PTPRD: variants seen among roughly 807,000 people sequenced by gnomAD.
PTPRD encodes the protein protein tyrosine phosphatase receptor type D.
PTPRD carries 34 observed loss-of-function variants against 214.5 expected under a neutral mutation model. That is an observed-to-expected ratio of 0.16 (90% CI 0.12 to 0.21). The LOEUF (loss-of-function observed/expected upper bound fraction) is 0.21, where lower values mean the gene tolerates loss of function less well. Ranked by LOEUF, PTPRD falls within the 10% of genes least tolerant of loss-of-function variation. The pLI, the probability that PTPRD is intolerant of heterozygous loss-of-function variation, is 1.00. For synonymous variants in PTPRD, 1,128 were observed against 845.7 expected (o/e 1.33, Z -5.79); for missense variants, 2,545 against 2,398.7 (o/e 1.06, Z -1.27).
intron 12 of PTPRD, among the ~76,000 whole-genome samples, chr9:8,726,321 G>C (rs1285999879): frequency 6.6e-6 from 1 of 151,624 alleles, no homozygotes; most frequent in Non-Finnish European, 1.5e-5. Flanking sequence ...GGGTGTGGTG[G>C]CTCACGACTA....
chr9:9,807,555 C>G (rs1278359515), intron 5 of PTPRD, among the ~76,000 whole-genome samples: 3 of 152,166 alleles, frequency 2.0e-5, no homozygotes, highest in Admixed American at 2.0e-4. Context: ...CCCAAGAATA[C>G]TCTCCACTGA....
chr9:9,598,980 G>T (rs1047926009), intron 7 of PTPRD, among the ~76,000 whole-genome samples: 1 of 151,790 alleles, frequency 6.6e-6, no homozygotes, highest in African/African-American at 2.4e-5. Context: ...GTACTCTTTC[G>T]AACTAATACA....
At chr9:9,128,111 G>T (rs2099836883) in intron 10 of PTPRD, among the ~76,000 whole-genome samples, 1 of 152,174 alleles carries the variant, frequency 6.6e-6, no homozygotes, top group Non-Finnish European at 1.5e-5. Flanking sequence ...GTTGAGGCCA[G>T]ATGGTTTTAC....
chr9:10,070,181 T>C (rs2097974713), intron 3 of PTPRD, among the ~76,000 whole-genome samples: 2 of 152,070 alleles, frequency 1.3e-5, no homozygotes, highest in African/African-American at 4.8e-5. Flanking sequence ...ATGTTGGCTT[T>C]TCTGGCTTAG....
chr9:10,448,769 A>G (rs559930196), intron 2 of PTPRD, among the ~76,000 whole-genome samples: 3 of 152,072 alleles, frequency 2.0e-5, no homozygotes, highest in South Asian at 2.1e-4. Context: ...TCCCAGCCCA[A>G]TGCTCTGTCC....
Position 10,577,684 on chromosome 9 carries a change from A to G in PTPRD, c.-600+34714T>C, listed in dbSNP as rs2069931175. 3.3e-5 allele frequency among the ~76,000 whole-genome samples: 5 copies of G among 152,180 alleles called. No homozygotes were observed. In the South Asian group the frequency reaches 8.3e-4, roughly 25 times the overall value. On this transcript the variant is annotated intron_variant, in intron 2 of 45. Coordinates refer to ENST00000381196, the MANE Select transcript of PTPRD (RefSeq NM_002839.4). The stretch of plus-strand genomic sequence containing the variant: ...CTAACACACTGATAAAATATGATTT[A>G]CCAGACTAAATGGTTAAGCACTTAC...
At chr9:9,348,289 C>G (rs1274114679) in intron 9 of PTPRD, among the ~76,000 whole-genome samples, 3 of 152,094 alleles carry the variant, frequency 2.0e-5, no homozygotes, top group Non-Finnish European at 2.9e-5. Context: ...TATAATGTCT[C>G]TGGCACTGAA....
At chr9:9,799,422 C>A (rs1018188166) in intron 5 of PTPRD, 7 of 152,072 alleles carry the variant, frequency 4.6e-5, no homozygotes, top group African/African-American at 1.7e-4. Context: ...TGTTTTGAAG[C>A]CCTAAGGGTA....
intron 7 of PTPRD, among the ~76,000 whole-genome samples, chr9:9,582,641 T>G (rs1456888118): frequency 1.3e-5 from 2 of 152,124 alleles, no homozygotes; most frequent in Non-Finnish European, 2.9e-5. Context: ...TATATCTCAA[T>G]AAAGCTGTTA....
chr9:10,198,286 T>C (rs2099405824), intron 3 of PTPRD, among the ~76,000 whole-genome samples: 1 of 152,094 alleles, frequency 6.6e-6, no homozygotes, highest in South Asian at 2.1e-4. Flanking sequence ...ATAGGTACAG[T>C]ATGATAATTT....
chr9:8,527,420 T>G (rs2074472196), intron 15 of PTPRD, 67 bp from the exon 16 acceptor site: 28 of 1,481,460 alleles, frequency 1.9e-5, no homozygotes, highest in Non-Finnish European at 2.4e-5. Flanking sequence ...TATAATTTGG[T>G]ACAAATTTTT....
At chr9:8,525,242 C>G in intron 17 of PTPRD, 1 of 693,710 alleles carries the variant, frequency 1.4e-6, no homozygotes. Context: ...ATCATCAATG[C>G]TAGCATTAGA....
chr9:10,358,863 G>C (rs573239615), intron 2 of PTPRD, among the ~76,000 whole-genome samples: 1 of 151,954 alleles, frequency 6.6e-6, no homozygotes, highest in East Asian at 1.9e-4. Flanking sequence ...GTTGTATATT[G>C]TTTTCTGTAT....
chr9:8,491,946 T>C (rs2097159606), intron 27 of PTPRD, among the ~76,000 whole-genome samples: 3 of 152,316 alleles, frequency 2.0e-5, no homozygotes, highest in South Asian at 2.1e-4. Context: ...GATTGCCATA[T>C]ATGAGGATTG....
At chr9:9,216,957 G>A (rs993981928) in intron 9 of PTPRD, among the ~76,000 whole-genome samples, 34 of 151,664 alleles carry the variant, frequency 2.2e-4, no homozygotes, top group Non-Finnish European at 4.4e-4. Flanking sequence ...CCCACATTGG[G>A]CTTCAGAGGG....
At chr9:9,138,107 A>C (rs10118349) in intron 10 of PTPRD, among the ~76,000 whole-genome samples, 8,417 of 152,166 alleles carry the variant, frequency 0.055, 498 homozygotes, top group African/African-American at 0.13. Context: ...ACCAGAGCAG[A>C]TGAATAATAC....
intron 35 of PTPRD, among the ~76,000 whole-genome samples, chr9:8,407,978 T>C (rs1327864444): frequency 6.6e-6 from 1 of 152,184 alleles, no homozygotes; most frequent in Non-Finnish European, 1.5e-5. Flanking sequence ...TACATAAAAC[T>C]GGTTGAGGAA....
intron 9 of PTPRD, among the ~76,000 whole-genome samples, chr9:9,292,319 G>A (rs1951433398): frequency 6.6e-6 from 1 of 150,954 alleles, no homozygotes; most frequent in African/African-American, 2.4e-5. Context: ...TAAACTTTTT[G>A]TTCATGGCCA....
At chr9:8,917,170 C>T (rs1467008821) in intron 11 of PTPRD, among the ~76,000 whole-genome samples, 4 of 149,486 alleles carry the variant, frequency 2.7e-5, no homozygotes, top group Non-Finnish European at 4.4e-5. Flanking sequence ...TCCCTTTTGC[C>T]CAGGCTGAAG....
Sources: gnomAD v4.1 joint callset for allele counts (sites outside exome capture counted in the v4.1 genomes callset) on GRCh38, gnomAD v4.1.1 for gene constraint, MANE v1.5 for transcripts, NCBI Gene and HGNC (gene_info 2026-07-23, HGNC 2026-07-21) for gene names.